Variants in RNF19A observed in about 807,000 individuals in gnomAD.
The protein encoded by RNF19A is ring finger protein 19A, RBR E3 ubiquitin protein ligase, also known as E3 ubiquitin-protein ligase RNF19A.
In RNF19A, 32 loss-of-function variants were observed where a neutral mutation model predicts 75.7. The ratio of observed to expected loss-of-function variants is 0.42; its 90% confidence interval spans 0.32 to 0.57. The LOEUF (loss-of-function observed/expected upper bound fraction) is 0.57. Ranked by LOEUF, RNF19A falls within the 20% of genes least tolerant of loss-of-function variation. RNF19A has a pLI of 0.10. For synonymous variants in RNF19A, 335 were observed against 345.2 expected (o/e 0.97, Z 0.33); for missense variants, 782 against 1,036.3 (o/e 0.75, Z 3.37).
At chr8:100,268,307 T>G (rs1337145291) in intron 5 of RNF19A, among the ~76,000 whole-genome samples, 1 of 152,042 alleles carries the variant, frequency 6.6e-6, no homozygotes, top group East Asian at 1.9e-4. Flanking sequence ...TTCACAAGAT[T>G]GTTATAATTT....
In RNF19A at chr8:100,333,276, A is replaced by G. The variant is rs59267635; in HGVS notation, c.-243+2832T>C. Among the ~76,000 whole-genome samples, 482 of 152,372 alleles carry G rather than the reference A, an allele frequency of 3.2e-3. 5 individuals are homozygous for G. Among genetic ancestry groups the G allele is most frequent in the African/African-American group, 0.011 (465 of 41,590 alleles). On this transcript the variant is annotated intron_variant, in intron 1 of 3. Transcript: ENST00000519527. The surrounding 1 kb of genome is among the most constrained non-coding windows in gnomAD (Gnocchi z 4.7). Reference sequence around the variant, plus strand: ...CAACCTTGGACTTCCCAGATCCAGAACAATGAGCCAAATACACTTCTATTG... The same window carrying G: ...CAACCTTGGACTTCCCAGATCCAGAGCAATGAGCCAAATACACTTCTATTG...
intron 1 of RNF19A, among the ~76,000 whole-genome samples, chr8:100,318,555 T>A (rs1039058777): frequency 1.3e-5 from 2 of 152,250 alleles, no homozygotes; most frequent in Non-Finnish European, 2.9e-5. Context: ...CACAGAATAA[T>A]TTCCACACTT....
In RNF19A at chr8:100,324,870, CTCTT is replaced by C. The variant is rs1822510027; in HGVS notation, c.-243+11234_-243+11237del. Among the ~76,000 whole-genome samples the C allele has an allele frequency of 7.0e-6, 1 of 142,148 alleles. No individual in the cohort carries two copies. The highest frequency in any genetic ancestry group is 2.2e-4 in the South Asian group (1 of 4,448). 93.3% of individuals were successfully genotyped at this position (142,148 alleles called of 152,430 possible). A position where few individuals can be genotyped will look rare whatever the true frequency, so the allele number is the denominator to read the frequency against. On this transcript the variant is annotated intron_variant, in intron 1 of 3. Coordinates refer to the RNF19A transcript ENST00000519527. This position sits in a 1 kb window ranked among gnomAD's most constrained non-coding sequence, Gnocchi z 4.2. ...CCCTCCCTCCTTCCTTTCTCTCTTT[CTCTT>C]TTTTTTCTTTCTTTCTCTCTCTCTC... is the stretch of plus-strand genomic sequence containing the variant.
intron 2 of RNF19A, among the ~76,000 whole-genome samples, chr8:100,283,579 G>C (rs867673155): frequency 6.6e-6 from 1 of 152,144 alleles, no homozygotes; most frequent in African/African-American, 2.4e-5. Flanking sequence ...AGAGTGGAAA[G>C]AATATTAGGT....
rs1187647657 is a variant in RNF19A, at chr8:100,269,115, T to C, written c.1029-168A>G. Among the ~76,000 whole-genome samples the C allele has an allele frequency of 6.6e-6, 1 of 151,090 alleles. No individual in the cohort carries two copies. The highest frequency in any genetic ancestry group is 1.5e-5 in the Non-Finnish European group (1 of 67,762). The stretch of plus-strand genomic sequence containing the variant: ...CTAAGGTAAGAACCACTATAAATTA[T>C]ATTAACAAGATATTGATATATCTTA... On this transcript the variant is annotated intron_variant, in intron 4 of 9. Coordinates refer to ENST00000341084, the MANE Select transcript of RNF19A (RefSeq NM_183419.4). The surrounding 1 kb of genome is among the most constrained non-coding windows in gnomAD (Gnocchi z 5.7).
intron 1 of RNF19A, among the ~76,000 whole-genome samples, chr8:100,334,415 G>GTCT (rs1822648803): frequency 6.6e-6 from 1 of 152,200 alleles, no homozygotes; most frequent in Non-Finnish European, 1.5e-5. Flanking sequence ...CTTGGGCAAT[G>GTCT]TCTTCTTTCC....
At position 100,305,190 on chromosome 8, in the gene RNF19A, C is replaced by T. The variant is rs1822014259; in HGVS notation, c.-94+4677G>A. Among the ~76,000 whole-genome samples, 3 of 152,278 alleles carry T rather than the reference C, an allele frequency of 2.0e-5. No individual in the cohort carries two copies. In the South Asian group the frequency reaches 6.2e-4, roughly 32 times the overall value. ...TCAAATGATCTGCCTGCCTCAGCTC[C>T]CCATACTGCTGGGATTACAGGATTA... On this transcript the variant is annotated intron_variant, in intron 1 of 9. Coordinates refer to ENST00000341084, the MANE Select transcript of RNF19A (RefSeq NM_183419.4).
chr8:100,326,008 G>A (rs1250191104), intron 1 of RNF19A, among the ~76,000 whole-genome samples: 1 of 152,158 alleles, frequency 6.6e-6, no homozygotes, highest in African/African-American at 2.4e-5. Flanking sequence ...GTGCTACAAA[G>A]CTATATGCTA....
chr8:100,267,801 C>T (rs74797573), intron 5 of RNF19A, among the ~76,000 whole-genome samples: 6,415 of 151,680 alleles, frequency 0.042, 408 homozygotes, highest in African/African-American at 0.13. Flanking sequence ...TTCAGCCTCC[C>T]GAGTCTGGGA....
chr8:100,317,089 C>A lies in RNF19A; in HGVS notation c.-242-3717G>T, dbSNP rs371991316. Among the ~76,000 whole-genome samples, 29 of 138,730 alleles carry A rather than the reference C, an allele frequency of 2.1e-4. No homozygotes were observed. The highest frequency in any genetic ancestry group is 3.8e-4 in the Non-Finnish European group (23 of 61,160). 91.0% of individuals were successfully genotyped at this position (138,730 alleles called of 152,430 possible). ...CTGAGTGCGGGGCCTGCCAAGCCCA[C>A]GCCCACGCCCACCCGGAACTCCAGC... On this transcript the variant is annotated intron_variant, in intron 1 of 3. Transcript: ENST00000519527. This position sits in a 1 kb window ranked among gnomAD's most constrained non-coding sequence, Gnocchi z 4.3.
intron 5 of RNF19A, 156 bp downstream of exon 5, chr8:100,268,629 T>G (rs1042579906): frequency 2.1e-5 from 9 of 427,524 alleles, no homozygotes; most frequent in African/African-American, 1.9e-4. Context: ...CACTAAAAAT[T>G]TATGAAAAAA....
intron 1 of RNF19A, among the ~76,000 whole-genome samples, chr8:100,315,649 CTTGTTG>C (rs573063443): frequency 1.1e-4 from 16 of 151,836 alleles, no homozygotes; most frequent in Non-Finnish European, 1.8e-4. Flanking sequence ...TCTTCGTCGT[CTTGTTG>C]TTGTTGTTGT....
At chr8:100,277,439 G>A (rs1399812137) in intron 2 of RNF19A, among the ~76,000 whole-genome samples, 1 of 152,104 alleles carries the variant, frequency 6.6e-6, no homozygotes, top group Admixed American at 6.5e-5. Flanking sequence ...AGACTCCCGA[G>A]TAGCTGGGAC....
rs772029425 is a variant in RNF19A, at chr8:100,274,963, A to G, written c.873T>C (p.Ser291=). Residue 291 remains serine (S), a synonymous_variant, in exon 3 of 10, where the codon TCT becomes TCC. Transcript: ENST00000341084. ...ATTAGACATAAATACCTGCTGCTCC[A>G]GACTCTTGACTATAACTAATGGATG... ...RSSSISYSQE[S]GAAADDIKPC... 2.5e-6 allele frequency: 4 copies of G among 1,612,232 alleles called. No homozygotes were observed. Among genetic ancestry groups the G allele is most frequent in the African/African-American group, 2.7e-5 (2 of 74,886 alleles).
rs569400510 is a variant in RNF19A, at chr8:100,257,482, C to A, written c.*1074G>T. 6.6e-6 allele frequency: 1 copy of A among 152,628 alleles called. No individual in the cohort carries two copies. The highest frequency in any genetic ancestry group is 2.4e-5 in the African/African-American group (1 of 41,410). 9.5% of individuals were successfully genotyped at this position (152,628 alleles called of 1,614,324 possible). On this transcript the variant is annotated 3_prime_UTR_variant, in exon 10 of 10. Coordinates refer to ENST00000341084, the MANE Select transcript of RNF19A (RefSeq NM_183419.4). ...GAAAATAATGCTAATCATACATGGA[C>A]CTTTTGTACTTGGTACAAGTTCTGC... is the stretch of plus-strand genomic sequence containing the variant.
At chr8:100,314,006 T>A (rs980873645), upstream of RNF19A, among the ~76,000 whole-genome samples, 2 of 149,692 alleles carry the variant, frequency 1.3e-5, no homozygotes, top group Non-Finnish European at 3.0e-5. The surrounding 1 kb of genome is among the most constrained non-coding windows in gnomAD (Gnocchi z 4.1). Context: ...CTCAGCCTCA[T>A]GAGTAGCTGG....
intron 1 of RNF19A, among the ~76,000 whole-genome samples, chr8:100,335,520 T>C (rs1822667875): frequency 6.6e-6 from 1 of 152,252 alleles, no homozygotes; most frequent in African/African-American, 2.4e-5. Context: ...TATGAGTACA[T>C]ATTAAATACT....
intron 1 of RNF19A, among the ~76,000 whole-genome samples, chr8:100,316,734 C>T (rs1204662863): frequency 6.6e-6 from 1 of 152,244 alleles, no homozygotes; most frequent in African/African-American, 2.4e-5. Flanking sequence ...ACCAGGGCTG[C>T]AGTTGGAGCT....
rs929214027 is a variant in RNF19A, at chr8:100,324,686, G to T, written c.-242-11314C>A. Among the ~76,000 whole-genome samples the T allele has an allele frequency of 6.6e-6, 1 of 152,148 alleles. No homozygotes were observed. Among genetic ancestry groups the T allele is most frequent in the Middle Eastern group, 3.4e-3 (1 of 294 alleles). ...CTGAGAAACCTAAATATGAATCTAC[G>T]CGTTTGCTTCAAGAAAATTCAAAAT... is the stretch of plus-strand genomic sequence containing the variant. On this transcript the variant is annotated intron_variant, in intron 1 of 3. Transcript: ENST00000519527. This position sits in a 1 kb window ranked among gnomAD's most constrained non-coding sequence, Gnocchi z 4.2.
Sources: gnomAD v4.1 joint callset for allele counts (sites outside exome capture counted in the v4.1 genomes callset) on GRCh38, gnomAD v4.1.1 for gene constraint, Gnocchi (gnomAD v3.1) non-coding constraint, MANE v1.5 for transcripts, NCBI Gene and HGNC (gene_info 2026-07-23, HGNC 2026-07-21) for gene names.